LAMA3: variants seen among roughly 807,000 people sequenced by gnomAD.
LAMA3 encodes the protein laminin subunit alpha 3.
A neutral mutation model predicts 402.0 loss-of-function variants in LAMA3; 281 were observed. The observed-to-expected ratio is 0.70, with a 90% CI of 0.63 to 0.77. The LOEUF (loss-of-function observed/expected upper bound fraction) is 0.77, where lower values mean the gene tolerates loss of function less well. LAMA3 is among the 30% of genes least tolerant of loss of function. The pLI is 0.00. For synonymous variants in LAMA3, 1,431 were observed against 1,558.4 expected, an observed-to-expected ratio of 0.92 and a Z score of 1.93; for missense variants, 3,840 against 4,215.5, an observed-to-expected ratio of 0.91 and a Z score of 2.47.
intron 32 of LAMA3, among the ~76,000 whole-genome samples, chr18:23,851,619 G>A (rs1800509462): frequency 6.6e-6 from 1 of 152,130 alleles, no homozygotes; most frequent in South Asian, 2.1e-4. Flanking sequence ...ATGGCTGTCT[G>A]CCTTCCTCCC....
At chr18:23,894,004 C>A (rs2080786746) in intron 42 of LAMA3, among the ~76,000 whole-genome samples, 1 of 152,046 alleles carries the variant, frequency 6.6e-6, no homozygotes, top group South Asian at 2.1e-4. Context: ...AACAGGGAGG[C>A]CACAAAAGCA....
chr18:23,915,248 C>A, intron 58 of LAMA3, 41 bp from the exon 59 acceptor site: 1 of 1,605,542 alleles, frequency 6.2e-7, no homozygotes, highest in South Asian at 1.1e-5. Flanking sequence ...TGATTATTGT[C>A]CTTTGTTCAA....
chr18:23,858,911 C>G, intron 34 of LAMA3, 82 bp downstream of exon 34: 1 of 1,401,116 alleles, frequency 7.1e-7, no homozygotes, highest in Non-Finnish European at 1.0e-6. Flanking sequence ...TGCTCCTTGG[C>G]CTGCAGTGTT....
rs575680689 is a variant in LAMA3, at chr18:23,879,786, C to T, written c.5113-2150C>T. Among the ~76,000 whole-genome samples, 3 of 152,262 alleles carry T rather than the reference C, an allele frequency of 2.0e-5. No individual in the cohort carries two copies. The highest frequency in any genetic ancestry group is 2.1e-4 in the South Asian group (1 of 4,820). On this transcript the variant is annotated intron_variant, in intron 39 of 74. Coordinates refer to ENST00000313654, the MANE Select transcript of LAMA3 (RefSeq NM_198129.4). The surrounding 1 kb of genome is among the most constrained non-coding windows in gnomAD (Gnocchi z 4.2). ...GTGAAGGGTTTCTCACATATTTTTA[C>T]GGGACTTTGTCAAGCAACACGGGTT...
chr18:23,945,967 A>G (rs2082694627), intron 69 of LAMA3, among the ~76,000 whole-genome samples, 177 bp from the exon 70 acceptor site: 1 of 152,108 alleles, frequency 6.6e-6, no homozygotes, highest in Admixed American at 6.5e-5. Context: ...AGTATTTCAC[A>G]TAATCTCACA....
chr18:23,873,060 AGGCGGTCAGCCTGCAGCATGGGAT>A, intron 38 of LAMA3: 1 of 1,614,174 alleles, frequency 6.2e-7, no homozygotes, highest in Non-Finnish European at 8.5e-7. Flanking sequence ...TCCAGCAGTG[AGGCGGTCAGCCTGCAGCATGGGAT>A]GGCTGTGGAT....
chr18:23,874,263 A>G (rs1300404816), intron 38 of LAMA3, among the ~76,000 whole-genome samples: 1 of 152,250 alleles, frequency 6.6e-6, no homozygotes, highest in Non-Finnish European at 1.5e-5. Context: ...AATGTGATAT[A>G]CACTGATAAT....
At position 23,740,606 on chromosome 18, in the gene LAMA3, G is replaced by A. The variant is rs867515365; in HGVS notation, c.448-7337G>A. Reference sequence around the variant, plus strand: ...TTTGCCTCCTGCTGACTTGAATCTCGATTTTTTTAAAAGAACCTAGGGAGA... The same window carrying A: ...TTTGCCTCCTGCTGACTTGAATCTCAATTTTTTTAAAAGAACCTAGGGAGA... On this transcript the variant is annotated intron_variant, in intron 2 of 74. Coordinates refer to ENST00000313654, the MANE Select transcript of LAMA3 (RefSeq NM_198129.4). Among the ~76,000 whole-genome samples, 20 of 152,146 alleles carry A rather than the reference G, an allele frequency of 1.3e-4. No individual in the cohort carries two copies. The Middle Eastern group carries it at 0.01, about 78-fold the overall frequency.
At position 23,741,894 on chromosome 18, in the gene LAMA3, G is replaced by T. The variant is rs138992776; in HGVS notation, c.448-6049G>T. On this transcript the variant is annotated intron_variant, in intron 2 of 74. Coordinates refer to ENST00000313654, the MANE Select transcript of LAMA3 (RefSeq NM_198129.4). ...GACAGCACTTTGGGAGGCTGAGGCGGGCGGATCACTTGAGGTCAGGAGTTC... is the reference window on the plus strand; with the variant it reads ...GACAGCACTTTGGGAGGCTGAGGCGTGCGGATCACTTGAGGTCAGGAGTTC... Among the ~76,000 whole-genome samples the T allele has an allele frequency of 6.8e-3, 1,036 of 152,238 alleles. 17 individuals are homozygous for T. Among genetic ancestry groups the T allele is most frequent in the African/African-American group, 0.024 (993 of 41,522 alleles).
At chr18:23,927,687 AG>A (rs2082045841) in intron 62 of LAMA3, among the ~76,000 whole-genome samples, 2 of 152,322 alleles carry the variant, frequency 1.3e-5, no homozygotes, top group African/African-American at 2.4e-5. Context: ...AAAGAGCAAA[AG>A]GTTTTCTAGA....
chr18:23,722,481 A>G (rs927024134), intron 2 of LAMA3, among the ~76,000 whole-genome samples: 37 of 152,344 alleles, frequency 2.4e-4, no homozygotes, highest in African/African-American at 7.2e-4. Context: ...GTGAATTCCA[A>G]TACTGTTGTT....
chr18:23,770,712 G>T (rs552280814), intron 8 of LAMA3, among the ~76,000 whole-genome samples: 92 of 152,168 alleles, frequency 6.0e-4, no homozygotes, highest in Non-Finnish European at 1.2e-3. Context: ...AGTGAGTCGA[G>T]ATCGCGCCAC....
intron 24 of LAMA3, among the ~76,000 whole-genome samples, chr18:23,835,474 G>C (rs1169431424): frequency 6.6e-6 from 1 of 152,158 alleles, no homozygotes; most frequent in African/African-American, 2.4e-5. Context: ...GAGTTATTGA[G>C]AGTGAACTGC....
chr18:23,699,481 G>A (rs966575666), intron 1 of LAMA3, among the ~76,000 whole-genome samples: 5 of 152,162 alleles, frequency 3.3e-5, no homozygotes, highest in Non-Finnish European at 7.4e-5. Flanking sequence ...GGAAAAACCT[G>A]GTTTGAGGAA....
intron 12 of LAMA3, among the ~76,000 whole-genome samples, chr18:23,791,459 T>C (rs571834182): frequency 5.9e-5 from 9 of 152,224 alleles, no homozygotes; most frequent in East Asian, 3.9e-4. Flanking sequence ...AGGCCAGACA[T>C]AGTGGCTCAT....
chr18:23,856,823 A>T (rs1410202756), intron 32 of LAMA3, among the ~76,000 whole-genome samples: 1 of 152,102 alleles, frequency 6.6e-6, no homozygotes, highest in Non-Finnish European at 1.5e-5. Context: ...TACAGTTCCC[A>T]GAAACCTCAC....
intron 32 of LAMA3, among the ~76,000 whole-genome samples, chr18:23,848,620 C>T (rs183576373): frequency 5.0e-4 from 76 of 152,182 alleles, no homozygotes; most frequent in African/African-American, 1.7e-3. Flanking sequence ...TTATGGAGTC[C>T]GTAATTTGGG....
chr18:23,930,408 A>G (rs1380733985), intron 64 of LAMA3, among the ~76,000 whole-genome samples: 6 of 152,220 alleles, frequency 3.9e-5, no homozygotes, highest in Admixed American at 3.9e-4. Flanking sequence ...TTATTTAGCA[A>G]TGAATTGATC....
At chr18:23,774,195 C>T (rs1665329098) in intron 9 of LAMA3, among the ~76,000 whole-genome samples, 1 of 152,188 alleles carries the variant, frequency 6.6e-6, no homozygotes, top group African/African-American at 2.4e-5. Context: ...TGCACTCCAG[C>T]CTGGATGACA....
Sources: gnomAD v4.1 joint callset for allele counts (sites outside exome capture counted in the v4.1 genomes callset) on GRCh38, gnomAD v4.1.1 for gene constraint, Gnocchi (gnomAD v3.1) non-coding constraint, MANE v1.5 for transcripts, NCBI Gene and HGNC (gene_info 2026-07-23, HGNC 2026-07-21) for gene names.